The following TMEM209 variants were observed in gnomAD, a reference collection of about 807,000 sequenced individuals.
The protein encoded by TMEM209 is transmembrane protein 209, also known as testicular tissue protein Li 202.
In TMEM209, 65 loss-of-function variants were observed where a neutral mutation model predicts 76.2. That is an observed-to-expected ratio of 0.85 (90% CI 0.70 to 1.05). The LOEUF is 1.05. Ranked by LOEUF, TMEM209 falls within the 50% of genes least tolerant of loss-of-function variation. The pLI is 0.00. For missense variants in TMEM209, 623 were observed against 685.5 expected (o/e 0.91, Z 1.02); for synonymous variants, 239 against 237.6 (o/e 1.01, Z -0.06).
At chr7:130,193,435 G>A (rs35222493) in intron 5 of TMEM209, among the ~76,000 whole-genome samples, 38,284 of 151,784 alleles carry the variant, frequency 0.25, 5,322 homozygotes, top group African/African-American at 0.35. Context: ...CTACTCGGGA[G>A]GCTGAGGCAG....
intron 5 of TMEM209, among the ~76,000 whole-genome samples, chr7:130,201,137 G>A (rs1311880918): frequency 6.7e-6 from 1 of 148,360 alleles, no homozygotes; most frequent in Non-Finnish European, 1.5e-5. Context: ...AATGGATAAG[G>A]GCAGACAATG....
chr7:130,202,556 T>A lies in TMEM209; in HGVS notation c.307A>T (p.Thr103Ser). 1 of 1,612,658 alleles carries A rather than the reference T, an allele frequency of 6.2e-7. No homozygotes were observed. Among genetic ancestry groups the A allele is most frequent in the South Asian group, 1.1e-5 (1 of 90,720 alleles). Reference sequence around the variant, plus strand: ...CCAGCTGTTTTCAACCCTAAAAGTGTTTGCTGTCCAGGACTAACAACCAGA... The same window carrying A: ...CCAGCTGTTTTCAACCCTAAAAGTGATTGCTGTCCAGGACTAACAACCAGA... ...TSLVVSPGQQ[T>S]LLGLKTAVVQ... The change falls in exon 4 of 15, where the codon ACA (threonine) becomes TCA (serine). Residue 103 changes from threonine to serine, a missense_variant. Thr to Ser is a moderately conservative substitution (Grantham distance 58, BLOSUM62 1). Coordinates refer to ENST00000397622, the MANE Select transcript of TMEM209 (RefSeq NM_032842.4).
At chr7:130,179,409 A>T (rs1797340763) in intron 9 of TMEM209, among the ~76,000 whole-genome samples, 1 of 152,196 alleles carries the variant, frequency 6.6e-6, no homozygotes, top group Non-Finnish European at 1.5e-5. Flanking sequence ...AATTTGTATA[A>T]GACATGTATA....
intron 6 of TMEM209, among the ~76,000 whole-genome samples, chr7:130,189,644 T>C (rs865937404): frequency 3.9e-5 from 6 of 152,232 alleles, no homozygotes; most frequent in African/African-American, 1.4e-4. Context: ...GCCTGGTTTT[T>C]CACTACTGGA....
Position 130,173,851 on chromosome 7 carries a change from T to C in TMEM209, c.1433A>G (p.His478Arg). The C allele has an allele frequency of 6.2e-7, 1 of 1,613,914 alleles. No homozygotes were observed. Among genetic ancestry groups the C allele is most frequent in the Non-Finnish European group, 8.5e-7 (1 of 1,179,798 alleles). The stretch of plus-strand genomic sequence containing the variant: ...TGGTTTATTTGGTGTCTGAACAAAG[T>C]GCTGAGAAGTAAAAGTTTTTCCGTC... ...YPDGKTFTSQ[H>R]FVQTPNKPDV... The change falls in exon 12 of 15, where the codon CAC becomes CGC. Residue 478 changes from histidine (H) to arginine (R), a missense_variant. Coordinates refer to ENST00000397622, the MANE Select transcript of TMEM209 (RefSeq NM_032842.4).
chr7:130,186,610 G>GTTAA (rs1370003951), intron 6 of TMEM209, among the ~76,000 whole-genome samples: 1 of 152,098 alleles, frequency 6.6e-6, no homozygotes, highest in Non-Finnish European at 1.5e-5. Context: ...TTTAAGAAAC[G>GTTAA]TAAGTTTTCT....
chr7:130,200,418 C>T (rs1471743099), intron 5 of TMEM209, among the ~76,000 whole-genome samples: 1 of 152,068 alleles, frequency 6.6e-6, no homozygotes, highest in East Asian at 1.9e-4. Flanking sequence ...TAAATTGGTA[C>T]AATTCTTTTG....
chr7:130,170,313 G>A (rs1797027020), intron 14 of TMEM209, 87 bp downstream of exon 14: 3 of 1,119,562 alleles, frequency 2.7e-6, no homozygotes, highest in East Asian at 2.4e-5. Context: ...TAAACCTTCA[G>A]TTACATGCTG....
At chr7:130,183,599 G>A (rs935086078) in intron 8 of TMEM209, among the ~76,000 whole-genome samples, 1 of 152,178 alleles carries the variant, frequency 6.6e-6, no homozygotes, top group Non-Finnish European at 1.5e-5. Context: ...GTGGAGCTCC[G>A]TATAGTGGAA....
Position 130,172,448 on chromosome 7 carries a change from T to G in TMEM209, c.1557+1184A>C, listed in dbSNP as rs867510127. 7.6e-4 allele frequency among the ~76,000 whole-genome samples: 116 copies of G among 152,148 alleles called. No individual in the cohort carries two copies. The Middle Eastern group carries it at 0.048, about 62-fold the overall frequency. On this transcript the variant is annotated intron_variant, in intron 13 of 14. Transcript: ENST00000397622. Reference sequence around the variant, plus strand: ...AGCTCCGCCTCCTGGGTTCACGCCATTCTCCTGCCTCAGCCTCCTCAGCAG... The same window carrying G: ...AGCTCCGCCTCCTGGGTTCACGCCAGTCTCCTGCCTCAGCCTCCTCAGCAG...
At chr7:130,202,695 G>T in intron 3 of TMEM209, 32 bp from the exon 4 acceptor site, 2 of 1,599,006 alleles carry the variant, frequency 1.3e-6, no homozygotes, top group Non-Finnish European at 1.7e-6. Context: ...TTAATAAGGG[G>T]GGTGAGGAGG....
chr7:130,169,130 G>A (rs1796971127), intron 14 of TMEM209, among the ~76,000 whole-genome samples: 2 of 150,494 alleles, frequency 1.3e-5, no homozygotes, highest in African/African-American at 2.5e-5. Flanking sequence ...GGGAGGCAGA[G>A]GTTGCAGTGA....
intron 5 of TMEM209, among the ~76,000 whole-genome samples, chr7:130,195,230 A>G (rs1249437062): frequency 1.3e-5 from 2 of 152,138 alleles, no homozygotes; most frequent in Admixed American, 1.3e-4. Context: ...GCATGTAGGG[A>G]GAAAATCTTT....
chr7:130,169,330 AAT>A (rs745765035), intron 14 of TMEM209, among the ~76,000 whole-genome samples: 105 of 152,332 alleles, frequency 6.9e-4, no homozygotes, highest in Non-Finnish European at 1.2e-3. Flanking sequence ...ATAAAAATAC[AAT>A]ATGATATGAA....
rs1797209814 is a variant in TMEM209 at position 130,175,624 on chromosome 7, T to A, written c.1247-15A>T. The A allele has an allele frequency of 6.3e-7, 1 of 1,598,498 alleles. No homozygotes were observed. Among genetic ancestry groups the A allele is most frequent in the Non-Finnish European group, 8.5e-7 (1 of 1,172,606 alleles). ...CTGAGATAGTTCTGTGGCAACAAGG[T>A]GAAATTTTTAAAAGCTAAGAGTATG... is the stretch of plus-strand genomic sequence containing the variant. On this transcript the variant is annotated splice_polypyrimidine_tract_variant and intron_variant, in intron 10 of 14. Coordinates refer to ENST00000397622, the MANE Select transcript of TMEM209 (RefSeq NM_032842.4).
chr7:130,190,166 A>G (rs1470367500), intron 6 of TMEM209, among the ~76,000 whole-genome samples: 1 of 152,190 alleles, frequency 6.6e-6, no homozygotes, highest in Non-Finnish European at 1.5e-5. Flanking sequence ...AATAAATGTA[A>G]AAGGCAGCTG....
Position 130,173,719 on chromosome 7 carries a change from A to G in TMEM209, c.1470T>C (p.Asn490=). ...VQTPNKPDVT[N]ENVFCIYQSA... ...TCTGATAAATGCAAAAAACATTCTC[A>G]TTTGTAACATCTGTAAAGGAAGGCA... Residue 490 remains asparagine (N), a synonymous_variant, in exon 13 of 15, where the codon AAT becomes AAC. Coordinates refer to ENST00000397622, the MANE Select transcript of TMEM209 (RefSeq NM_032842.4). The G allele has an allele frequency of 6.2e-7, 1 of 1,613,756 alleles. No homozygotes were observed. Among genetic ancestry groups the G allele is most frequent in the Non-Finnish European group, 8.5e-7 (1 of 1,179,720 alleles).
chr7:130,196,522 A>T (rs1181518133), intron 5 of TMEM209, among the ~76,000 whole-genome samples: 1 of 152,144 alleles, frequency 6.6e-6, no homozygotes, highest in Non-Finnish European at 1.5e-5. Context: ...TTATAGACTG[A>T]ATGTCTGTGT....
chr7:130,172,498 A>G (rs1797102875), intron 13 of TMEM209, among the ~76,000 whole-genome samples: 1 of 152,012 alleles, frequency 6.6e-6, no homozygotes, highest in African/African-American at 2.4e-5. Context: ...GCATGCTGCC[A>G]TGCCCGGATA....
Sources: allele counts gnomAD v4.1 joint callset (sites outside exome capture counted in the v4.1 genomes callset), GRCh38; gene constraint gnomAD v4.1.1; transcripts MANE v1.5; gene names NCBI Gene and HGNC (gene_info 2026-07-23, HGNC 2026-07-21).